Variants in DAP3 observed in about 807,000 individuals in gnomAD.
DAP3 encodes death associated protein 3.
Under a neutral mutation model 51.9 loss-of-function variants are expected in DAP3, and 28 were observed. The ratio of observed to expected loss-of-function variants is 0.54; its 90% CI spans 0.40 to 0.74. DAP3 has a LOEUF of 0.74. Among genes scored for constraint, DAP3 ranks in the 30% least tolerant of loss-of-function variants. The probability of loss-of-function intolerance (pLI) is 0.00; values close to 1 mark genes in which losing one functional copy is unlikely to be tolerated. For synonymous variants in DAP3, 170 were observed against 170.3 expected (o/e 1.00, Z 0.01); for missense variants, 458 against 483.5 (o/e 0.95, Z 0.49).
Position 155,721,525 on chromosome 1 carries a change from T to C in DAP3, c.177T>C (p.His59=). The part of the protein sequence containing the change: ...SRTNENDPAK[H]GDQHEGQHYN... ...GCACTCTTATTTCCTAGGCCAAGCA[T>C]GGGGATCAGCACGAGGGTCAGCACT... The change falls in exon 4 of 13, where the codon CAT becomes CAC. Residue 59 remains histidine, a synonymous_variant. Transcript: ENST00000368336. The C allele has an allele frequency of 1.2e-6, 2 of 1,613,810 alleles. No homozygotes were observed. The highest frequency in any genetic ancestry group is 1.7e-6 in the Non-Finnish European group (2 of 1,179,956).
At chr1:155,725,009 T>C (rs1388561877) in intron 4 of DAP3, among the ~76,000 whole-genome samples, 2 of 151,992 alleles carry the variant, frequency 1.3e-5, no homozygotes, top group Non-Finnish European at 2.9e-5. Context: ...AATTATTAAC[T>C]TGTGTCAGAA....
chr1:155,710,641 T>A (rs1656582225), intron 2 of DAP3: 1 of 152,244 alleles, frequency 6.6e-6, no homozygotes. Flanking sequence ...CTAAGTGATT[T>A]ATTTTTTTAA....
At chr1:155,698,747 A>G (rs1654819882) in intron 1 of DAP3, among the ~76,000 whole-genome samples, 1 of 152,210 alleles carries the variant, frequency 6.6e-6, no homozygotes, top group Admixed American at 6.5e-5. Context: ...GATTTTTTGT[A>G]TCAACTTTTA....
At chr1:155,688,547 T>C (rs983551686), upstream of DAP3, 75 of 1,540,882 alleles carry the variant, frequency 4.9e-5, no homozygotes, top group Middle Eastern at 1.5e-3. Context: ...CCTTCGGCCG[T>C]CCTGCGAGCC....
chr1:155,709,638 C>G (rs1571481252), intron 1 of DAP3, 135 bp from the exon 2 acceptor site: 1 of 591,656 alleles, frequency 1.7e-6, no homozygotes, highest in Non-Finnish European at 2.6e-6. Flanking sequence ...TTTAATGAAG[C>G]TGTAGGCATT....
In DAP3 at chr1:155,732,208, T is replaced by C. The variant is rs1659308001; in HGVS notation, c.993+175T>C. ...CTTGATCATCATTGCTTTATCCGTC[T>C]CCGTCTTTCTCCAGAGTTTCTTTTC... On this transcript the variant is annotated intron_variant, in intron 11 of 12. Coordinates refer to ENST00000368336, the MANE Select transcript of DAP3 (RefSeq NM_004632.4). 22 of 454,848 alleles carry C rather than the reference T, an allele frequency of 4.8e-5. No individual in the cohort carries two copies. In the South Asian group the frequency reaches 8.3e-4, roughly 17 times the overall value. 28.2% of individuals were successfully genotyped at this position (454,848 alleles called of 1,614,324 possible).
At chr1:155,689,397 C>T in intron 1 of DAP3, 2 of 486,618 alleles carry the variant, frequency 4.1e-6, no homozygotes, top group South Asian at 1.5e-5. Context: ...CACCACTGTC[C>T]ATATGCGATG....
chr1:155,731,918 G>T, intron 10 of DAP3, 26 bp from the exon 11 acceptor site: 1 of 1,576,236 alleles, frequency 6.3e-7, no homozygotes, highest in Non-Finnish European at 8.6e-7. Context: ...ACTTTTTCCA[G>T]TTCAGCCTTT....
At chr1:155,689,250 A>T (rs770603355) in intron 1 of DAP3, 76 bp downstream of exon 1, 2 of 677,342 alleles carry the variant, frequency 3.0e-6, no homozygotes, top group East Asian at 2.8e-5. Flanking sequence ...GGAGGTAGGG[A>T]GTGAGGCCGG....
In DAP3 at chr1:155,732,004, G is replaced by A; in HGVS notation, c.964G>A (p.Ala322Thr). 6.2e-7 allele frequency: 1 copy of A among 1,611,858 alleles called. No individual in the cohort carries two copies. Among genetic ancestry groups the A allele is most frequent in the Admixed American group, 1.7e-5 (1 of 59,804 alleles). Residue 322 changes from alanine to threonine, a missense_variant, in exon 11 of 13, where the codon GCC (alanine) becomes ACC (threonine). Coordinates refer to ENST00000368336, the MANE Select transcript of DAP3 (RefSeq NM_004632.4). Reference sequence around the variant, plus strand: ...TGGGTCTCTCTTTAAGCCCCGGAAAGCCTATCTGCCCCAGGAGTTGCTGGG... The same window carrying A: ...TGGGTCTCTCTTTAAGCCCCGGAAAACCTATCTGCCCCAGGAGTTGCTGGG... Reference protein sequence around the residue: ...QTGSLFKPRKAYLPQELLGKE... With the variant: ...QTGSLFKPRKTYLPQELLGKE...
At chr1:155,718,650 C>T (rs1280936605) in intron 3 of DAP3, among the ~76,000 whole-genome samples, 1 of 149,416 alleles carries the variant, frequency 6.7e-6, no homozygotes, top group Non-Finnish European at 1.5e-5. Context: ...CGTGCTACTG[C>T]ACTCCAGCCT....
intron 1 of DAP3, among the ~76,000 whole-genome samples, chr1:155,707,699 A>G (rs746119738): frequency 6.6e-6 from 1 of 152,076 alleles, no homozygotes; most frequent in Non-Finnish European, 1.5e-5. Flanking sequence ...TCTTCTCCCC[A>G]GGAGTAACCA....
chr1:155,691,645 T>G (rs183231139), intron 1 of DAP3, among the ~76,000 whole-genome samples: 1 of 142,038 alleles, frequency 7.0e-6, no homozygotes. Context: ...TGTTTTACCT[T>G]TTGAGGAACT....
chr1:155,724,093 G>T (rs1658299601), intron 4 of DAP3, among the ~76,000 whole-genome samples: 1 of 151,428 alleles, frequency 6.6e-6, no homozygotes, highest in African/African-American at 2.4e-5. Context: ...AACAGTATTT[G>T]TTAGATATTC....
intron 1 of DAP3, among the ~76,000 whole-genome samples, chr1:155,694,268 T>A (rs1654234267): frequency 7.1e-6 from 1 of 141,368 alleles, no homozygotes; most frequent in Admixed American, 6.6e-5. Context: ...TCCTTCCTCC[T>A]CTGGGTGAGA....
chr1:155,735,953 T>C (rs1279845456), intron 11 of DAP3, among the ~76,000 whole-genome samples: 1 of 151,536 alleles, frequency 6.6e-6, no homozygotes, highest in Non-Finnish European at 1.5e-5. Context: ...GCAATTCTTC[T>C]GCCTCAGTCT....
upstream of DAP3, chr1:155,688,083 C>G: frequency 3.8e-6 from 6 of 1,589,394 alleles, no homozygotes; most frequent in Non-Finnish European, 5.2e-6. Flanking sequence ...TGTCGGAGGC[C>G]GAGAGCGATG....
chr1:155,694,631 G>C (rs1486595551), intron 1 of DAP3, among the ~76,000 whole-genome samples: 1 of 122,288 alleles, frequency 8.2e-6, no homozygotes, highest in East Asian at 1.9e-4. Flanking sequence ...CAGGCGTGCT[G>C]GGAGTGGAGA....
intron 3 of DAP3, among the ~76,000 whole-genome samples, chr1:155,721,248 CTTG>C (rs1348596149): frequency 1.3e-5 from 2 of 151,820 alleles, no homozygotes; most frequent in Non-Finnish European, 1.5e-5. Context: ...AGGAGAATTG[CTTG>C]TACCCAGGAG....
Sources: gnomAD v4.1 joint callset for allele counts (sites outside exome capture counted in the v4.1 genomes callset) on GRCh38, gnomAD v4.1.1 for gene constraint, MANE v1.5 for transcripts, NCBI Gene and HGNC (gene_info 2026-07-23, HGNC 2026-07-21) for gene names.